The following CACNA2D1 variants were observed in gnomAD, a reference collection of about 807,000 sequenced individuals.
CACNA2D1 encodes calcium voltage-gated channel auxiliary subunit alpha2delta 1.
A neutral mutation model predicts 171.5 loss-of-function variants in CACNA2D1; 53 were observed. That is an observed-to-expected ratio of 0.31 (90% CI 0.25 to 0.39). The LOEUF (loss-of-function observed/expected upper bound fraction) is 0.39, where lower values mean the gene tolerates loss of function less well. Among genes scored for constraint, CACNA2D1 ranks in the 10% least tolerant of loss-of-function variants. The pLI, the probability that CACNA2D1 is intolerant of heterozygous loss-of-function variation, is 1.00. For synonymous variants in CACNA2D1, 442 were observed against 443.1 expected (o/e 1.00, Z 0.03); for missense variants, 903 against 1,299.8 (o/e 0.69, Z 4.69).
In CACNA2D1 at chr7:82,061,409, C is replaced by T. The variant is rs139519476; in HGVS notation, c.780-882G>A. Reference sequence around the variant, plus strand: ...CGAAGATGCTGAGCTACAGTAATAGCCAGTCAACCCAGCAATTAGTCTCCT... The same window carrying T: ...CGAAGATGCTGAGCTACAGTAATAGTCAGTCAACCCAGCAATTAGTCTCCT... On this transcript the variant is annotated intron_variant, in intron 9 of 38. Transcript: ENST00000356860. 4.7e-4 allele frequency among the ~76,000 whole-genome samples: 71 copies of T among 152,216 alleles called. 1 individual carries two copies. The highest frequency in any genetic ancestry group is 1.7e-3 in the African/African-American group (69 of 41,532).
At chr7:82,277,809 G>A (rs966049554) in intron 3 of CACNA2D1, among the ~76,000 whole-genome samples, 1 of 145,068 alleles carries the variant, frequency 6.9e-6, no homozygotes, top group Non-Finnish European at 1.5e-5. Flanking sequence ...GCAGTGGTGT[G>A]ATCTCGGCTC....
chr7:82,048,616 G>A (rs1222505884), intron 10 of CACNA2D1, among the ~76,000 whole-genome samples: 2 of 152,022 alleles, frequency 1.3e-5, no homozygotes, highest in Non-Finnish European at 2.9e-5. Context: ...AGATTGCAGT[G>A]TATGCATTTT....
chr7:82,303,069 C>A (rs1013153043), intron 3 of CACNA2D1, among the ~76,000 whole-genome samples: 6 of 152,152 alleles, frequency 3.9e-5, no homozygotes, highest in Admixed American at 1.3e-4. Flanking sequence ...TCTCGGCTCA[C>A]TGCAAGCTCC....
chr7:82,126,522 T>G (rs1790353721), intron 5 of CACNA2D1, among the ~76,000 whole-genome samples: 2 of 152,210 alleles, frequency 1.3e-5, no homozygotes, highest in African/African-American at 4.8e-5. Context: ...TTTTTTTTAT[T>G]AATACTATAT....
At chr7:82,099,788 A>G (rs1812448832) in intron 6 of CACNA2D1, among the ~76,000 whole-genome samples, 1 of 152,128 alleles carries the variant, frequency 6.6e-6, no homozygotes, top group Admixed American at 6.5e-5. Flanking sequence ...GTGTGTGTGA[A>G]TCACTGTAGG....
At chr7:82,182,178 A>T (rs529075031) in intron 3 of CACNA2D1, among the ~76,000 whole-genome samples, 34 of 152,236 alleles carry the variant, frequency 2.2e-4, no homozygotes, top group Non-Finnish European at 4.1e-4. Flanking sequence ...TGTAGGCTTC[A>T]GGATTTCATT....
At chr7:82,071,684 G>C (rs977340148) in intron 7 of CACNA2D1, among the ~76,000 whole-genome samples, 3 of 152,168 alleles carry the variant, frequency 2.0e-5, no homozygotes, top group Non-Finnish European at 4.4e-5. Flanking sequence ...AGAATGGCCT[G>C]TAACAGGGCT....
At chr7:82,090,659 T>C (rs1811048046) in intron 6 of CACNA2D1, among the ~76,000 whole-genome samples, 1 of 152,060 alleles carries the variant, frequency 6.6e-6, no homozygotes, top group African/African-American at 2.4e-5. Flanking sequence ...ATTTTGGCAC[T>C]CTTTGGGTTG....
intron 1 of CACNA2D1, among the ~76,000 whole-genome samples, chr7:82,365,352 C>T (rs558503359): frequency 2.0e-5 from 3 of 152,244 alleles, no homozygotes; most frequent in South Asian, 4.1e-4. Context: ...ATGACATAAC[C>T]TTTAACACAT....
intron 3 of CACNA2D1, among the ~76,000 whole-genome samples, chr7:82,179,663 CATAAT>C (rs1796913255): frequency 6.6e-6 from 1 of 152,062 alleles, no homozygotes. Flanking sequence ...ACTAAGGAAG[CATAAT>C]ATAGTAAAAA....
chr7:82,081,002 T>C (rs1809689105), intron 7 of CACNA2D1, among the ~76,000 whole-genome samples: 1 of 152,202 alleles, frequency 6.6e-6, no homozygotes, highest in Non-Finnish European at 1.5e-5. Context: ...AATGAGGAGT[T>C]ATTAATGTTC....
intron 1 of CACNA2D1, among the ~76,000 whole-genome samples, chr7:82,354,760 T>C (rs1459515998): frequency 6.6e-6 from 1 of 152,094 alleles, no homozygotes; most frequent in Non-Finnish European, 1.5e-5. Context: ...TTCTTACTAG[T>C]ACTAGTCTGA....
intron 3 of CACNA2D1, among the ~76,000 whole-genome samples, chr7:82,231,272 A>T (rs1196010654): frequency 6.6e-6 from 1 of 152,186 alleles, no homozygotes; most frequent in Non-Finnish European, 1.5e-5. Flanking sequence ...TCAGCATTCA[A>T]ATAAGTGCCC....
intron 3 of CACNA2D1, among the ~76,000 whole-genome samples, chr7:82,302,828 C>T (rs150680205): frequency 1.3e-5 from 2 of 152,044 alleles, no homozygotes; most frequent in Non-Finnish European, 2.9e-5. Flanking sequence ...CAAATATAAG[C>T]TAAATATAAT....
chr7:82,019,239 G>C (rs1201730415), intron 12 of CACNA2D1, among the ~76,000 whole-genome samples: 2 of 152,070 alleles, frequency 1.3e-5, no homozygotes, highest in African/African-American at 4.8e-5. Flanking sequence ...AGAATTACTT[G>C]AACCCGGGAG....
chr7:82,146,403 T>C (rs1793074872), intron 4 of CACNA2D1, among the ~76,000 whole-genome samples: 1 of 145,786 alleles, frequency 6.9e-6, no homozygotes, highest in African/African-American at 2.5e-5. Context: ...TATAAAGATA[T>C]ATATTTATAT....
intron 1 of CACNA2D1, among the ~76,000 whole-genome samples, chr7:82,397,220 C>T (rs1563490365): frequency 2.0e-5 from 3 of 152,104 alleles, no homozygotes; most frequent in Admixed American, 6.6e-5. Flanking sequence ...CTAACAAGCT[C>T]CCTGCCCTCA....
At chr7:82,092,901 T>A (rs1004029767) in intron 6 of CACNA2D1, among the ~76,000 whole-genome samples, 4 of 151,992 alleles carry the variant, frequency 2.6e-5, no homozygotes, top group Non-Finnish European at 5.9e-5. Flanking sequence ...TAAAAAAACA[T>A]CAGAAACTCT....
rs1215320576 is a variant in CACNA2D1 at position 81,964,229 on chromosome 7, G to C, written c.2705C>G (p.Ala902Gly). The change falls in exon 33 of 39, where the codon GCA (alanine) becomes GGA (glycine). Residue 902 changes from alanine to glycine, a missense_variant. By Grantham distance (60) the Ala-to-Gly change is moderately conservative. Transcript: ENST00000356860. Reference sequence around the variant, plus strand: ...GACCACATATGCTGAGCGATGTCCTGCTCCTTGTTTTGGTGCAGCACCGGG... The same window carrying C: ...GACCACATATGCTGAGCGATGTCCTCCTCCTTGTTTTGGTGCAGCACCGGG... ...CEPGAAPKQG[A>G]GHRSAYVPSV... 6.2e-7 allele frequency: 1 copy of C among 1,612,760 alleles called. No homozygotes were observed.
Sources: allele counts gnomAD v4.1 joint callset (sites outside exome capture counted in the v4.1 genomes callset), GRCh38; gene constraint gnomAD v4.1.1; transcripts MANE v1.5; gene names NCBI Gene and HGNC (gene_info 2026-07-23, HGNC 2026-07-21).